Variants in WDR12 observed in about 807,000 individuals in gnomAD.
WDR12 encodes ribosome biogenesis protein WDR12.
In WDR12, 42 loss-of-function variants were observed where a neutral mutation model predicts 64.3. The ratio of observed to expected loss-of-function variants is 0.65; its 90% CI spans 0.51 to 0.84. The LOEUF (loss-of-function observed/expected upper bound fraction) is 0.84. Ranked by LOEUF, WDR12 falls within the 40% of genes least tolerant of loss-of-function variation. WDR12 has a pLI of 0.00. For missense variants in WDR12, 469 were observed against 494.6 expected, an observed-to-expected ratio of 0.95 and a Z score of 0.49; for synonymous variants, 158 against 173.3, an observed-to-expected ratio of 0.91 and a Z score of 0.70.
chr2:202,910,728 C>A (rs1688582536), intron 1 of WDR12, among the ~76,000 whole-genome samples: 1 of 152,164 alleles, frequency 6.6e-6, no homozygotes, highest in Non-Finnish European at 1.5e-5. Context: ...TGTATACTTT[C>A]AGCAACAACA....
rs1424182652 is a variant in WDR12, at chr2:202,874,511, T to C, written c.*6349A>G. On this transcript the variant is annotated 3_prime_UTR_variant, in exon 13 of 13. Transcript: ENST00000261015. ...CTTTTGTTTTTGTGCAAACCTCTGG[T>C]TAATCTCCCAAATAAAACCTCAGTT... 2.0e-5 allele frequency among the ~76,000 whole-genome samples: 3 copies of C among 152,210 alleles called. No individual in the cohort carries two copies. Among genetic ancestry groups the C allele is most frequent in the Non-Finnish European group, 4.4e-5 (3 of 68,032 alleles).
intron 8 of WDR12, among the ~76,000 whole-genome samples, chr2:202,889,942 C>T (rs767389067): frequency 2.0e-5 from 3 of 151,546 alleles, no homozygotes; most frequent in Non-Finnish European, 2.9e-5. Context: ...ATAGCCTGAG[C>T]GTATTGGCTC....
chr2:202,890,397 T>C lies in WDR12; in HGVS notation c.741+2220A>G, dbSNP rs576868077. Among the ~76,000 whole-genome samples the C allele has an allele frequency of 2.0e-5, 3 of 152,334 alleles. No individual in the cohort carries two copies. In the South Asian group the frequency reaches 6.2e-4, roughly 32 times the overall value. On this transcript the variant is annotated intron_variant, in intron 8 of 12. Transcript: ENST00000261015. Reference sequence around the variant, plus strand: ...GGGAGCTACTGGTTGAGAGGCAGGCTAGAGGCAGACATCTAGGGTACTGGT... The same window carrying C: ...GGGAGCTACTGGTTGAGAGGCAGGCCAGAGGCAGACATCTAGGGTACTGGT...
In WDR12 at chr2:202,875,764, G is replaced by GT. The variant is rs1687847933; in HGVS notation, c.*5095_*5096insA. On this transcript the variant is annotated 3_prime_UTR_variant, in exon 13 of 13. Transcript: ENST00000261015. ...CCATTTATAAAAACATCATTCTTGT[G>GT]CACGACATAAGATTGACAAAATATA... is the stretch of plus-strand genomic sequence containing the variant. The GT allele has an allele frequency of 6.6e-6, 1 of 152,128 alleles. No individual in the cohort carries two copies. The highest frequency in any genetic ancestry group is 6.5e-5 in the Admixed American group (1 of 15,274). 9.4% of individuals were successfully genotyped at this position (152,128 alleles called of 1,614,324 possible).
At chr2:202,886,085 G>T (rs1014402247) in intron 8 of WDR12, among the ~76,000 whole-genome samples, 1 of 151,530 alleles carries the variant, frequency 6.6e-6, no homozygotes, top group Non-Finnish European at 1.5e-5. Context: ...TTTAATAAGG[G>T]GTTGTTTTTT....
chr2:202,896,674 G>A (rs1006897657), intron 5 of WDR12, among the ~76,000 whole-genome samples: 7 of 150,898 alleles, frequency 4.6e-5, no homozygotes, highest in Admixed American at 2.0e-4. Context: ...CTGGGCGACA[G>A]AGTGAGACTC....
At chr2:202,908,080 A>G in intron 1 of WDR12, 121 bp from the exon 2 acceptor site, 1 of 905,864 alleles carries the variant, frequency 1.1e-6, no homozygotes, top group African/African-American at 1.7e-5. Context: ...ATTTTGCTAC[A>G]TGTTGTAAAC....
chr2:202,886,508 C>A (rs542275392), intron 8 of WDR12, among the ~76,000 whole-genome samples: 1 of 151,686 alleles, frequency 6.6e-6, no homozygotes, highest in East Asian at 1.9e-4. Flanking sequence ...GTGGCTCACA[C>A]CCGTAATCCC....
rs2105900541 is a variant in WDR12 at position 202,877,164 on chromosome 2, T to C, written c.*3696A>G. The C allele has an allele frequency of 6.6e-6, 1 of 152,036 alleles. No homozygotes were observed. Among genetic ancestry groups the C allele is most frequent in the Non-Finnish European group, 1.5e-5 (1 of 68,004 alleles). The allele number at this position is 152,036 out of a possible 1,614,324, so 9.4% of individuals were successfully genotyped here. A position where few individuals can be genotyped will look rare whatever the true frequency, so the allele number is the denominator to read the frequency against. On this transcript the variant is annotated 3_prime_UTR_variant, in exon 13 of 13. Coordinates refer to ENST00000261015, the MANE Select transcript of WDR12 (RefSeq NM_018256.4). ...TTCCATTATATGCATTTTATATCAA[T>C]TTAAACTTTTGTTTGTTCTTTCTCC... is the stretch of plus-strand genomic sequence containing the variant.
In WDR12 at chr2:202,882,691, A is replaced by C; in HGVS notation, c.1194+20T>G. The C allele has an allele frequency of 3.1e-6, 5 of 1,606,682 alleles. No individual in the cohort carries two copies. The highest frequency in any genetic ancestry group is 4.3e-6 in the Non-Finnish European group (5 of 1,173,970). On this transcript the variant is annotated intron_variant, in intron 12 of 12. Coordinates refer to ENST00000261015, the MANE Select transcript of WDR12 (RefSeq NM_018256.4). Reference sequence around the variant, plus strand: ...ATTCTAGTCACTTTCCTCTTCATCAAATAACTAATAAATTCTTACCCCTGT... The same window carrying C: ...ATTCTAGTCACTTTCCTCTTCATCACATAACTAATAAATTCTTACCCCTGT...
At position 202,874,375 on chromosome 2, in the gene WDR12, T is replaced by C. The variant is rs1284656349; in HGVS notation, c.*6485A>G. ...AAAAAAGGGGTTTTCCTCCATTGTA[T>C]AGACTTTTACAAGCTAACTAGACAA... is the stretch of plus-strand genomic sequence containing the variant. On this transcript the variant is annotated 3_prime_UTR_variant, in exon 13 of 13. Coordinates refer to ENST00000261015, the MANE Select transcript of WDR12 (RefSeq NM_018256.4). 6.6e-6 allele frequency among the ~76,000 whole-genome samples: 1 copy of C among 152,188 alleles called. No homozygotes were observed. The highest frequency in any genetic ancestry group is 1.5e-5 in the Non-Finnish European group (1 of 68,030).
chr2:202,896,100 C>G lies in WDR12; in HGVS notation c.574G>C (p.Val192Leu). 1 of 1,614,088 alleles carries G rather than the reference C, an allele frequency of 6.2e-7. No homozygotes were observed. The highest frequency in any genetic ancestry group is 8.5e-7 in the Non-Finnish European group (1 of 1,179,976). The change falls in exon 6 of 13, where the codon GTA (valine) becomes CTA (leucine). Residue 192 changes from valine to leucine, a missense_variant. Coordinates refer to ENST00000261015, the MANE Select transcript of WDR12 (RefSeq NM_018256.4). Reference sequence around the variant, plus strand: ...GAGCCATCAACAGCTATAGAATCTACACTTCCAGCATGACCTCTACAGCAG... The same window carrying G: ...GAGCCATCAACAGCTATAGAATCTAGACTTCCAGCATGACCTCTACAGCAG... ...LHCCRGHAGS[V>L]DSIAVDGSGT...
Position 202,878,812 on chromosome 2 carries a change from G to A in WDR12, c.*2048C>T, listed in dbSNP as rs1687903489. The A allele has an allele frequency of 6.6e-6, 1 of 152,136 alleles. No individual in the cohort carries two copies. Among genetic ancestry groups the A allele is most frequent in the South Asian group, 2.1e-4 (1 of 4,828 alleles). 9.4% of individuals were successfully genotyped at this position (152,136 alleles called of 1,614,324 possible). Reference sequence around the variant, plus strand: ...CAAATATTACTAAAAGGTTGTGAATGCTCTACTTAAGGAGTATCAATCCAT... The same window carrying A: ...CAAATATTACTAAAAGGTTGTGAATACTCTACTTAAGGAGTATCAATCCAT... On this transcript the variant is annotated 3_prime_UTR_variant, in exon 13 of 13. Coordinates refer to ENST00000261015, the MANE Select transcript of WDR12 (RefSeq NM_018256.4).
intron 10 of WDR12, 60 bp from the exon 11 acceptor site, chr2:202,883,801 C>T: frequency 6.6e-7 from 1 of 1,520,736 alleles, no homozygotes; most frequent in Non-Finnish European, 8.7e-7. Flanking sequence ...GTAGAAGGAA[C>T]CCAAAAAATA....
At chr2:202,881,911 T>C (rs1687954768) in intron 12 of WDR12, among the ~76,000 whole-genome samples, 1 of 151,810 alleles carries the variant, frequency 6.6e-6, no homozygotes, top group South Asian at 2.1e-4. Flanking sequence ...AAAAAAATGC[T>C]CCAAAATTTC....
At chr2:202,887,223 C>A (rs542752480) in intron 8 of WDR12, among the ~76,000 whole-genome samples, 1 of 152,208 alleles carries the variant, frequency 6.6e-6, no homozygotes, top group African/African-American at 2.4e-5. Flanking sequence ...CGGGGTTTCA[C>A]CATGTTGGTC....
chr2:202,909,786 T>C (rs1020877760), intron 1 of WDR12, among the ~76,000 whole-genome samples: 3 of 150,366 alleles, frequency 2.0e-5, no homozygotes, highest in African/African-American at 7.5e-5. Flanking sequence ...AATTTTATTA[T>C]TTATTTATTT....
At chr2:202,893,170 C>A (rs1397314224) in intron 7 of WDR12, among the ~76,000 whole-genome samples, 3 of 151,846 alleles carry the variant, frequency 2.0e-5, no homozygotes, top group East Asian at 1.9e-4. Context: ...TTTTTAAAAT[C>A]TTTGTTATAC....
At chr2:202,905,665 A>G (rs897101142) in intron 2 of WDR12, among the ~76,000 whole-genome samples, 22 of 152,214 alleles carry the variant, frequency 1.4e-4, no homozygotes, top group Non-Finnish European at 4.4e-5. Context: ...CAATACTTCT[A>G]CACAATGGAG....
Sources: gnomAD v4.1 joint callset for allele counts (sites outside exome capture counted in the v4.1 genomes callset) on GRCh38, gnomAD v4.1.1 for gene constraint, MANE v1.5 for transcripts, NCBI Gene and HGNC (gene_info 2026-07-23, HGNC 2026-07-21) for gene names.